Variants in TFRC observed in about 807,000 individuals in gnomAD.
The protein encoded by TFRC is transferrin receptor.
Under a neutral mutation model 85.8 loss-of-function variants are expected in TFRC, and 35 were observed. That is an observed-to-expected ratio of 0.41 (90% CI 0.31 to 0.54). The LOEUF is 0.54. TFRC is among the 20% of genes least tolerant of loss of function. The pLI is 0.31. For missense variants in TFRC, 828 were observed against 921.5 expected, an observed-to-expected ratio of 0.90 and a Z score of 1.31; for synonymous variants, 362 against 328.6, an observed-to-expected ratio of 1.10 and a Z score of -1.10.
At position 196,073,931 on chromosome 3, in the gene TFRC, T is replaced by C. The variant is rs761595920; in HGVS notation, c.433A>G (p.Lys145Glu). ...LDSTDFTGTI[K>E]LLNENSYVPR... ...ACTTGCACAGCAGCTGGCACTCACTTGATGGTGCCGGTGAAGTCTGTGCTG... is the reference window on the plus strand; with the variant it reads ...ACTTGCACAGCAGCTGGCACTCACTCGATGGTGCCGGTGAAGTCTGTGCTG... The change falls in exon 4 of 19, where the codon AAG (lysine) becomes GAG (glutamate). Residue 145 changes from lysine (K) to glutamate (E), a missense_variant and splice_region_variant. Coordinates refer to ENST00000360110, the MANE Select transcript of TFRC (RefSeq NM_001128148.3). 1.2e-6 allele frequency: 2 copies of C among 1,611,598 alleles called. No homozygotes were observed. The highest frequency in any genetic ancestry group is 1.7e-6 in the Non-Finnish European group (2 of 1,178,400).
Position 196,060,203 on chromosome 3 carries a change from G to A in TFRC, c.1513C>T (p.Leu505Phe). Residue 505 changes from leucine to phenylalanine, a missense_variant, in exon 14 of 19, where the codon CTT becomes TTT. Physicochemically the swap from Leu to Phe is conservative, Grantham distance 22. Transcript: ENST00000360110. ...KVSASPLLYT[L>F]IEKTMQNVKH... ...ACATTTTGCATTGTTTTCTCAATAAGCGTATACAACAGTGGGCTGGCAGAA... is the reference window on the plus strand; with the variant it reads ...ACATTTTGCATTGTTTTCTCAATAAACGTATACAACAGTGGGCTGGCAGAA... 1 of 1,613,926 alleles carries A rather than the reference G, an allele frequency of 6.2e-7. No individual in the cohort carries two copies. Among genetic ancestry groups the A allele is most frequent in the Non-Finnish European group, 8.5e-7 (1 of 1,179,914 alleles).
intron 14 of TFRC, chr3:196,059,092 G>A (rs1717061438): frequency 1.3e-5 from 2 of 153,604 alleles, no homozygotes; most frequent in African/African-American, 4.8e-5. Context: ...AAGGTCAAGA[G>A]ATCATGAGGT....
At chr3:196,052,946 C>T (rs1716458473) in intron 18 of TFRC, among the ~76,000 whole-genome samples, 1 of 151,872 alleles carries the variant, frequency 6.6e-6, no homozygotes, top group Non-Finnish European at 1.5e-5. Flanking sequence ...AACTCCGTTT[C>T]TACTAAAAAT....
At chr3:196,075,461 T>C in intron 2 of TFRC, 101 bp from the exon 3 acceptor site, 1 of 1,137,630 alleles carries the variant, frequency 8.8e-7, no homozygotes, top group Non-Finnish European at 1.3e-6. Flanking sequence ...TATAACTTGC[T>C]ATATATTCCT....
intron 9 of TFRC, 85 bp downstream of exon 9, chr3:196,067,433 T>G (rs893680293): frequency 3.6e-6 from 5 of 1,397,586 alleles, no homozygotes; most frequent in Non-Finnish European, 4.9e-6. Context: ...ATTATCATCA[T>G]GTTTAACATT....
At position 196,055,298 on chromosome 3, in the gene TFRC, T is replaced by C. The variant is rs1458864012; in HGVS notation, c.1681A>G (p.Thr561Ala). 11 of 1,613,770 alleles carry C rather than the reference T, an allele frequency of 6.8e-6. No homozygotes were observed. Among genetic ancestry groups the C allele is most frequent in the Middle Eastern group, 1.6e-4 (1 of 6,062 alleles). Residue 561 changes from threonine (T) to alanine (A), a missense_variant, in exon 17 of 19, where the codon ACA becomes GCA. Transcript: ENST00000360110. ...PAVSFCFCEDTDYPYLGTTMD... is the reference protein window; with the variant it reads ...PAVSFCFCEDADYPYLGTTMD... ...GTGGTACCCAAATAAGGATAATCTG[T>C]GTCCTGCAAGACAACGCGAGGCTAT...
In TFRC at chr3:196,049,971, G is replaced by C; in HGVS notation, c.*1971C>G. On this transcript the variant is annotated 3_prime_UTR_variant, in exon 19 of 19. Coordinates refer to ENST00000360110, the MANE Select transcript of TFRC (RefSeq NM_001128148.3). ...AACAGCTGATCATCACGTTTATAAT[G>C]ATGGTTCACTCACGGAGCTTCGAAC... is the stretch of plus-strand genomic sequence containing the variant. 1 of 231,218 alleles carries C rather than the reference G, an allele frequency of 4.3e-6. No homozygotes were observed. 14.3% of individuals were successfully genotyped at this position (231,218 alleles called of 1,614,324 possible).
Position 196,057,147 on chromosome 3 carries a change from AAAG to A in TFRC, c.1677+1134_1677+1136del, listed in dbSNP as rs898338843. Among the ~76,000 whole-genome samples, 57 of 152,194 alleles carry A rather than the reference AAAG, an allele frequency of 3.7e-4. 1 individual carries two copies. Among genetic ancestry groups the A allele is most frequent in the Non-Finnish European group, 6.6e-4 (45 of 68,028 alleles). On this transcript the variant is annotated intron_variant, in intron 16 of 18. Transcript: ENST00000360110. ...TTATGCCCAATTTCTGCCTCCAAAGAAAGAAGAAGTAAAAACTAAAAGGCAGAG... is the reference window on the plus strand; with the variant it reads ...TTATGCCCAATTTCTGCCTCCAAAGAAAGAAGTAAAAACTAAAAGGCAGAG...
rs577740093 is a variant in TFRC, at chr3:196,074,290, T to G, written c.239-165A>C. 6 of 545,022 alleles carry G rather than the reference T, an allele frequency of 1.1e-5. No homozygotes were observed. In the South Asian group the frequency reaches 1.9e-4, roughly 17 times the overall value. The allele number at this position is 545,022 out of a possible 1,614,324, so 33.8% of individuals were successfully genotyped here. ...TCAGTTTTGTATACTTTAAACCACTTAATAAATTATATACTAGCTTTATTT... is the reference window on the plus strand; with the variant it reads ...TCAGTTTTGTATACTTTAAACCACTGAATAAATTATATACTAGCTTTATTT... On this transcript the variant is annotated intron_variant, in intron 3 of 18. Transcript: ENST00000360110.
intron 18 of TFRC, 142 bp from the exon 19 acceptor site, chr3:196,052,326 TTCGCTCTTGTTG>T (rs1716398760): frequency 2.1e-6 from 2 of 960,326 alleles, no homozygotes; most frequent in Non-Finnish European, 3.0e-6. Flanking sequence ...GACACAGAGT[TTCGCTCTTGTTG>T]CCCAGACTGG....
At chr3:196,062,738 T>C in intron 12 of TFRC, 93 bp from the exon 13 acceptor site, 1 of 1,548,430 alleles carries the variant, frequency 6.5e-7, no homozygotes. Flanking sequence ...TGGACTCTAC[T>C]GAGACTAAAC....
At chr3:196,071,912 G>GCC in intron 5 of TFRC, 91 bp downstream of exon 5, 2 of 1,427,900 alleles carry the variant, frequency 1.4e-6, no homozygotes, top group Non-Finnish European at 1.9e-6. Flanking sequence ...TCAAAAAAAA[G>GCC]CCAACAACAC....
chr3:196,055,382 A>G, intron 16 of TFRC, 81 bp from the exon 17 acceptor site: 1 of 1,118,740 alleles, frequency 8.9e-7, no homozygotes, highest in Non-Finnish European at 1.4e-6. Flanking sequence ...CATCGAGGTA[A>G]CAGTGACGAC....
At chr3:196,075,915 G>A (rs1347932723) in intron 2 of TFRC, among the ~76,000 whole-genome samples, 3 of 151,464 alleles carry the variant, frequency 2.0e-5, no homozygotes, top group Non-Finnish European at 1.5e-5. Flanking sequence ...ATCATTTATG[G>A]TCAGAAGTTT....
Position 196,060,825 on chromosome 3 carries a change from A to AAAAAAAAT in TFRC, c.1469-579_1469-578insATTTTTTT, listed in dbSNP as rs1310502711. On this transcript the variant is annotated intron_variant, in intron 13 of 18. Transcript: ENST00000360110. Reference sequence around the variant, plus strand: ...AAAAAAAAAAAAAAAAAAAAAAAAAAATCAGACCAGTTTTAGGTTCAGCAG... The same window carrying AAAAAAAAT: ...AAAAAAAAAAAAAAAAAAAAAAAAAAAAAAAAATATCAGACCAGTTTTAGGTTCAGCAG... 5.5e-4 allele frequency among the ~76,000 whole-genome samples: 78 copies of AAAAAAAAT among 141,124 alleles called. 1 individual carries two copies. The highest frequency in any genetic ancestry group is 1.1e-3 in the Non-Finnish European group (69 of 63,648). 92.6% of individuals were successfully genotyped at this position (141,124 alleles called of 152,430 possible).
At chr3:196,070,137 A>C (rs1462455252) in intron 6 of TFRC, among the ~76,000 whole-genome samples, 1 of 152,144 alleles carries the variant, frequency 6.6e-6, no homozygotes, top group Non-Finnish European at 1.5e-5. Flanking sequence ...ACCCATCTCT[A>C]AACTCCTGGC....
rs147680364 is a variant in TFRC, at chr3:196,057,657, T to A, written c.1677+627A>T. Among the ~76,000 whole-genome samples the A allele has an allele frequency of 1.9e-3, 292 of 151,736 alleles. 1 individual carries two copies. The highest frequency in any genetic ancestry group is 6.8e-3 in the African/African-American group (280 of 41,342). ...CAAGAAGATCCATGGCCAGGTGTAG[T>A]AAGTAGCTCTTGCCTATAATCCAAA... On this transcript the variant is annotated intron_variant, in intron 16 of 18. Coordinates refer to ENST00000360110, the MANE Select transcript of TFRC (RefSeq NM_001128148.3).
chr3:196,058,524 T>C (rs773382104), intron 15 of TFRC, 50 bp downstream of exon 15: 1 of 1,561,158 alleles, frequency 6.4e-7, no homozygotes, highest in Non-Finnish European at 8.8e-7. Context: ...ATGTAGTAGG[T>C]AGAATCTCTG....
chr3:196,077,897 G>A (rs1242842932), intron 1 of TFRC, among the ~76,000 whole-genome samples: 1 of 152,176 alleles, frequency 6.6e-6, no homozygotes, highest in Non-Finnish European at 1.5e-5. Flanking sequence ...TCCTACAAGT[G>A]ATTCGATCTT....
Sources: allele counts gnomAD v4.1 joint callset (sites outside exome capture counted in the v4.1 genomes callset), GRCh38; gene constraint gnomAD v4.1.1; transcripts MANE v1.5; gene names NCBI Gene and HGNC (gene_info 2026-07-23, HGNC 2026-07-21).